HAPLN1: variants seen among roughly 807,000 people sequenced by gnomAD.
HAPLN1 encodes Cartilage link protein.
Under a neutral mutation model 36.5 loss-of-function variants are expected in HAPLN1, and 13 were observed. The observed-to-expected ratio is 0.36, with a 90% CI of 0.23 to 0.57. The LOEUF is 0.57. Ranked by LOEUF, HAPLN1 falls within the 20% of genes least tolerant of loss-of-function variation. The pLI is 0.83. For missense variants in HAPLN1, 407 were observed against 439.7 expected, an observed-to-expected ratio of 0.93 and a Z score of 0.66; for synonymous variants, 202 against 169.8, an observed-to-expected ratio of 1.19 and a Z score of -1.48.
At chr5:83,710,023 G>A (rs959049789) in intron 1 of HAPLN1, among the ~76,000 whole-genome samples, 3 of 152,298 alleles carry the variant, frequency 2.0e-5, no homozygotes, top group East Asian at 1.9e-4. Flanking sequence ...AATTGGGGTG[G>A]TTCAAATTCA....
chr5:83,660,986 C>T (rs77503798), intron 2 of HAPLN1, among the ~76,000 whole-genome samples: 3 of 152,222 alleles, frequency 2.0e-5, no homozygotes, highest in South Asian at 2.1e-4. Context: ...TACAAAACAG[C>T]GTCTATCTTC....
At chr5:83,643,353 TA>T (rs79459806) in intron 4 of HAPLN1, among the ~76,000 whole-genome samples, 39,106 of 111,446 alleles carry the variant, frequency 0.35, 6,767 homozygotes, top group Admixed American at 0.5. Context: ...TACCCTGTCT[TA>T]AAAAAAAAAA....
chr5:83,683,147 T>A (rs1751045519), intron 1 of HAPLN1, among the ~76,000 whole-genome samples: 1 of 152,182 alleles, frequency 6.6e-6, no homozygotes, highest in African/African-American at 2.4e-5. Flanking sequence ...ACTATTGTCC[T>A]AAGAATGAGG....
rs115129062 is a variant in HAPLN1, at chr5:83,656,848, A to G, written c.101-4024T>C. 6.0e-4 allele frequency among the ~76,000 whole-genome samples: 92 copies of G among 152,282 alleles called. 1 individual carries two copies. The highest frequency in any genetic ancestry group is 2.1e-3 in the African/African-American group (87 of 41,534). On this transcript the variant is annotated intron_variant, in intron 2 of 4. Coordinates refer to ENST00000274341, the MANE Select transcript of HAPLN1 (RefSeq NM_001884.4). The stretch of plus-strand genomic sequence containing the variant: ...ACATCATTTAGTTTCACCAAATAAT[A>G]AAAGCAATGGCATGAGCAAACAACT...
chr5:83,705,387 C>CAAAAA lies in HAPLN1; in HGVS notation c.-27+15397_-27+15401dup, dbSNP rs762927081. Among the ~76,000 whole-genome samples, 214 of 85,204 alleles carry CAAAAA rather than the reference C, an allele frequency of 2.5e-3. 1 individual carries two copies. The highest frequency in any genetic ancestry group is 5.2e-3 in the African/African-American group (107 of 20,774). 55.9% of individuals were successfully genotyped at this position (85,204 alleles called of 152,430 possible). On this transcript the variant is annotated intron_variant, in intron 1 of 4. Transcript: ENST00000274341. ...CCTGGGTGACAAGAGTGAAACGTCACAAAAAAAAAAAAAAAAAAAAAAGAA... is the reference window on the plus strand; with the variant it reads ...CCTGGGTGACAAGAGTGAAACGTCACAAAAAAAAAAAAAAAAAAAAAAAAAAAGAA...
intron 2 of HAPLN1, among the ~76,000 whole-genome samples, chr5:83,672,768 G>T (rs1561311304): frequency 6.6e-6 from 1 of 152,334 alleles, no homozygotes; most frequent in South Asian, 2.1e-4. Flanking sequence ...GGCAAGGAAA[G>T]AACTGTTCCT....
At chr5:83,665,103 C>G (rs1750516136) in intron 2 of HAPLN1, among the ~76,000 whole-genome samples, 2 of 151,610 alleles carry the variant, frequency 1.3e-5, no homozygotes, top group African/African-American at 4.8e-5. Context: ...TGTTCATAAC[C>G]CATATAATAC....
At position 83,657,243 on chromosome 5, in the gene HAPLN1, G is replaced by A. The variant is rs141454924; in HGVS notation, c.101-4419C>T. Among the ~76,000 whole-genome samples the A allele has an allele frequency of 6.8e-4, 104 of 151,924 alleles. 1 individual carries two copies. The highest frequency in any genetic ancestry group is 1.8e-3 in the African/African-American group (74 of 41,410). ...CCCGAGTAGCTGGGTTTACAGGTGC[G>A]TGCCACCACACCCTGCTAATTTTTT... On this transcript the variant is annotated intron_variant, in intron 2 of 4. Transcript: ENST00000274341.
chr5:83,703,706 C>T (rs1192217394), intron 1 of HAPLN1, among the ~76,000 whole-genome samples: 2 of 152,034 alleles, frequency 1.3e-5, no homozygotes, highest in Non-Finnish European at 2.9e-5. Flanking sequence ...TGTAAAAAAA[C>T]TAAATCTACA....
intron 1 of HAPLN1, among the ~76,000 whole-genome samples, chr5:83,683,999 A>C (rs7730622): frequency 6.6e-6 from 1 of 152,074 alleles, no homozygotes; most frequent in Non-Finnish European, 1.5e-5. Flanking sequence ...GGGGAGGAGG[A>C]GGGGGCAGAA....
intron 1 of HAPLN1, among the ~76,000 whole-genome samples, chr5:83,675,759 A>G (rs1481471388): frequency 6.6e-6 from 1 of 152,168 alleles, no homozygotes; most frequent in Non-Finnish European, 1.5e-5. Context: ...TGGAATGTCT[A>G]CTGTTCGCCA....
At chr5:83,698,477 G>A (rs1033857648) in intron 1 of HAPLN1, among the ~76,000 whole-genome samples, 1 of 151,950 alleles carries the variant, frequency 6.6e-6, no homozygotes. Context: ...TTGATTTTTG[G>A]TTTTTATGTC....
intron 1 of HAPLN1, among the ~76,000 whole-genome samples, chr5:83,703,992 A>G (rs763974220): frequency 1.3e-5 from 2 of 152,022 alleles, no homozygotes; most frequent in African/African-American, 2.4e-5. Flanking sequence ...GTTAAAGACA[A>G]CTAGAGAGAA....
At chr5:83,664,293 G>C (rs1750494808) in intron 2 of HAPLN1, among the ~76,000 whole-genome samples, 1 of 152,118 alleles carries the variant, frequency 6.6e-6, no homozygotes, top group Non-Finnish European at 1.5e-5. Context: ...TTGCTTAGAG[G>C]GCACCTCCCA....
rs918646960 is a variant in HAPLN1 at position 83,708,864 on chromosome 5, GTCTTTTCTTT to G, written c.-27+11915_-27+11924del. Among the ~76,000 whole-genome samples the G allele has an allele frequency of 9.2e-5, 14 of 152,006 alleles. 1 individual carries two copies. The highest frequency in any genetic ancestry group is 2.9e-4 in the African/African-American group (12 of 41,414). ...TCTAAAAATTATCAGTTTATCTTTT[GTCTTTTCTTT>G]TCTTTTCTTTTTTTCTGTTTTTTTG... On this transcript the variant is annotated intron_variant, in intron 1 of 4. Transcript: ENST00000274341.
At chr5:83,703,271 C>T (rs897149413) in intron 1 of HAPLN1, among the ~76,000 whole-genome samples, 19 of 152,270 alleles carry the variant, frequency 1.2e-4, no homozygotes, top group Non-Finnish European at 8.8e-5. Context: ...TTACTTTTGT[C>T]AGACCTATTT....
At position 83,640,522 on chromosome 5, in the gene HAPLN1, A is replaced by G. The variant is rs1213846385; in HGVS notation, c.*974T>C. On this transcript the variant is annotated 3_prime_UTR_variant, in exon 5 of 5. Coordinates refer to ENST00000274341, the MANE Select transcript of HAPLN1 (RefSeq NM_001884.4). ...TTTCTGCATTAGGGATTCCTTTTAT[A>G]ATGTAATTGATTTTCATATAATGTA... The G allele has an allele frequency of 6.6e-6, 1 of 152,192 alleles. No individual in the cohort carries two copies. Among genetic ancestry groups the G allele is most frequent in the African/African-American group, 2.4e-5 (1 of 41,448 alleles). 9.4% of individuals were successfully genotyped at this position (152,192 alleles called of 1,614,324 possible). A position where few individuals can be genotyped will look rare whatever the true frequency, so the allele number is the denominator to read the frequency against.
At chr5:83,648,784 T>A (rs573973521) in intron 3 of HAPLN1, among the ~76,000 whole-genome samples, 1 of 152,178 alleles carries the variant, frequency 6.6e-6, no homozygotes, top group African/African-American at 2.4e-5. Flanking sequence ...ATGTCATTGA[T>A]AATGAAAAAG....
rs530811740 is a variant in HAPLN1 at position 83,702,981 on chromosome 5, G to C, written c.-27+17808C>G. ...CCTGCTTCAGCCTTTCAAAGTGCTG[G>C]GATTGCAGGTGTGAACCACCATATC... On this transcript the variant is annotated intron_variant, in intron 1 of 4. Coordinates refer to ENST00000274341, the MANE Select transcript of HAPLN1 (RefSeq NM_001884.4). Among the ~76,000 whole-genome samples, 23 of 152,246 alleles carry C rather than the reference G, an allele frequency of 1.5e-4. No individual in the cohort carries two copies. The South Asian group carries it at 4.6e-3, about 30-fold the overall frequency.
Sources: allele counts gnomAD v4.1 joint callset (sites outside exome capture counted in the v4.1 genomes callset), GRCh38; gene constraint gnomAD v4.1.1; transcripts MANE v1.5; gene names NCBI Gene and HGNC (gene_info 2026-07-23, HGNC 2026-07-21).